NLGN1: variants seen among roughly 807,000 people sequenced by gnomAD.
The protein encoded by NLGN1 is neuroligin 1.
Under a neutral mutation model 65.5 loss-of-function variants are expected in NLGN1, and 12 were observed. The observed-to-expected ratio is 0.18, with a 90% confidence interval of 0.12 to 0.30. NLGN1 has a LOEUF of 0.30. Ranked by LOEUF, NLGN1 falls within the 10% of genes least tolerant of loss-of-function variation. NLGN1 has a pLI of 1.00. For synonymous variants in NLGN1, 350 were observed against 359.5 expected, an observed-to-expected ratio of 0.97 and a Z score of 0.30; for missense variants, 750 against 1,007.1, an observed-to-expected ratio of 0.74 and a Z score of 3.46.
At chr3:173,434,331 T>C (rs995335615) in intron 1 of NLGN1, among the ~76,000 whole-genome samples, 7 of 152,208 alleles carry the variant, frequency 4.6e-5, no homozygotes, top group Non-Finnish European at 8.8e-5. Context: ...GTAGTGGTTT[T>C]CAAATTTTAA....
At chr3:173,915,036 C>T (rs1303929116) in intron 4 of NLGN1, 1 of 152,136 alleles carries the variant, frequency 6.6e-6, no homozygotes, top group African/African-American at 2.4e-5. Context: ...TCTTTTTAAT[C>T]ATTTACACCT....
intron 4 of NLGN1, among the ~76,000 whole-genome samples, chr3:174,029,977 A>G (rs547910873): frequency 2.0e-4 from 31 of 152,280 alleles, no homozygotes; most frequent in Admixed American, 1.7e-3. Flanking sequence ...CTATGTCTTT[A>G]TTAGCAGTGG....
intron 4 of NLGN1, among the ~76,000 whole-genome samples, chr3:174,047,972 C>G (rs1042229042): frequency 8.6e-5 from 13 of 151,934 alleles, no homozygotes; most frequent in African/African-American, 2.9e-4. Flanking sequence ...TAGGCAAAAT[C>G]GTTGGATATG....
intron 2 of NLGN1, among the ~76,000 whole-genome samples, chr3:173,450,795 G>A (rs1345645007): frequency 2.6e-5 from 4 of 152,002 alleles, no homozygotes; most frequent in Admixed American, 6.6e-5. Context: ...TTGTATTCAC[G>A]CTTCATTTCA....
chr3:173,577,508 A>G (rs1745687628), intron 2 of NLGN1, among the ~76,000 whole-genome samples: 2 of 152,202 alleles, frequency 1.3e-5, no homozygotes, highest in Admixed American at 6.5e-5. Context: ...TTTGTAACAA[A>G]TCCACCATTT....
chr3:173,917,870 T>TGTGTGTGTGTGTGTGTGTGTGTG (rs10530688), intron 4 of NLGN1, among the ~76,000 whole-genome samples: 2 of 151,910 alleles, frequency 1.3e-5, no homozygotes, highest in Admixed American at 6.6e-5. Flanking sequence ...TGTGTGTGTG[T>TGTGTGTGTGTGTGTGTGTGTGTG]TGGCCTTTAT....
At chr3:173,923,524 T>A (rs1742449637) in intron 4 of NLGN1, among the ~76,000 whole-genome samples, 1 of 152,152 alleles carries the variant, frequency 6.6e-6, no homozygotes, top group South Asian at 2.1e-4. Context: ...AGTTTACTGA[T>A]CCTGTGATTT....
intron 3 of NLGN1, among the ~76,000 whole-genome samples, chr3:173,768,302 C>T (rs1239255347): frequency 2.0e-5 from 3 of 152,134 alleles, no homozygotes; most frequent in Non-Finnish European, 4.4e-5. Context: ...CTCTTCTTCT[C>T]CAATCAGAAT....
chr3:173,992,416 C>CT (rs775744516), intron 4 of NLGN1, among the ~76,000 whole-genome samples: 11 of 151,846 alleles, frequency 7.2e-5, no homozygotes, highest in East Asian at 1.9e-4. Context: ...TTGAGAAAGT[C>CT]TTTTTTTTAC....
chr3:173,435,746 A>G (rs1401446993), intron 2 of NLGN1, among the ~76,000 whole-genome samples: 1 of 152,094 alleles, frequency 6.6e-6, no homozygotes, highest in Non-Finnish European at 1.5e-5. Context: ...GAGGCGGGAG[A>G]ATTGCTTGAA....
At chr3:173,903,630 G>A (rs1436186172) in intron 4 of NLGN1, among the ~76,000 whole-genome samples, 3 of 152,132 alleles carry the variant, frequency 2.0e-5, no homozygotes, top group Non-Finnish European at 2.9e-5. Context: ...GTGAGGCCAG[G>A]CCTACATATC....
chr3:173,491,189 A>G (rs375128566), intron 2 of NLGN1, among the ~76,000 whole-genome samples: 1,649 of 151,630 alleles, frequency 0.011, 61 homozygotes, highest in African/African-American at 0.038. Flanking sequence ...CAAAGGGAAT[A>G]CTTCCAGTTT....
chr3:173,645,575 C>T (rs1226110295), intron 3 of NLGN1, among the ~76,000 whole-genome samples: 5 of 152,230 alleles, frequency 3.3e-5, no homozygotes, highest in South Asian at 4.1e-4. Context: ...ACAGTCAGGC[C>T]GAGATGGGCC....
Position 174,062,161 on chromosome 3 carries a change from T to C in NLGN1, c.647-213154T>C, listed in dbSNP as rs111675710. ...GAATTTCAACTTAATTCAAATCCAC[T>C]GATCTTAACTGAGTGTTTAAAAGGT... On this transcript the variant is annotated intron_variant, in intron 4 of 6. Coordinates refer to ENST00000457714, the Ensembl canonical transcript of NLGN1. 2.1e-3 allele frequency among the ~76,000 whole-genome samples: 314 copies of C among 152,238 alleles called. 2 individuals carry two copies. Among genetic ancestry groups the C allele is most frequent in the African/African-American group, 7.3e-3 (305 of 41,566 alleles).
At chr3:174,264,803 T>C (rs1747692857) in intron 4 of NLGN1, among the ~76,000 whole-genome samples, 1 of 152,006 alleles carries the variant, frequency 6.6e-6, no homozygotes, top group Non-Finnish European at 1.5e-5. Flanking sequence ...TTGTTCCCCA[T>C]CTTTGTGGTT....
intron 4 of NLGN1, among the ~76,000 whole-genome samples, chr3:173,988,246 G>A (rs1284481575): frequency 6.6e-6 from 1 of 152,096 alleles, no homozygotes; most frequent in African/African-American, 2.4e-5. Context: ...TAGAATTGGG[G>A]CCTAAAGCCA....
chr3:174,140,892 A>G (rs1047745061), intron 4 of NLGN1, among the ~76,000 whole-genome samples: 4 of 152,146 alleles, frequency 2.6e-5, no homozygotes, highest in Admixed American at 6.5e-5. Context: ...GATTGGGAAA[A>G]ATTATATTAG....
chr3:173,948,460 A>G (rs1255228972), intron 4 of NLGN1, among the ~76,000 whole-genome samples: 1 of 152,208 alleles, frequency 6.6e-6, no homozygotes, highest in Non-Finnish European at 1.5e-5. Flanking sequence ...AAAGACACAT[A>G]GGTTGTTTGG....
At chr3:173,652,709 G>A (rs1398370119) in intron 3 of NLGN1, among the ~76,000 whole-genome samples, 2 of 152,062 alleles carry the variant, frequency 1.3e-5, no homozygotes. Context: ...TTTTGCTTAG[G>A]GTTGCTTTGG....
Sources: allele counts gnomAD v4.1 joint callset (sites outside exome capture counted in the v4.1 genomes callset), GRCh38; gene constraint gnomAD v4.1.1; transcripts MANE v1.5; gene names NCBI Gene and HGNC (gene_info 2026-07-23, HGNC 2026-07-21).